Variants in OXR1 observed in about 807,000 individuals in gnomAD.
OXR1 encodes oxidation resistance 1.
OXR1 carries 41 observed loss-of-function variants against 104.6 expected under a neutral mutation model. That is an observed-to-expected ratio of 0.39 (90% confidence interval 0.31 to 0.51). OXR1 has a LOEUF of 0.51. Ranked by LOEUF, OXR1 falls within the 20% of genes least tolerant of loss-of-function variation. OXR1 has a pLI of 0.77. For missense variants in OXR1, 955 were observed against 1,031.9 expected, an observed-to-expected ratio of 0.93 and a Z score of 1.02; for synonymous variants, 348 against 348.4, an observed-to-expected ratio of 1.00 and a Z score of 0.01.
chr8:106,724,111 A>G (rs1365563767), intron 11 of OXR1, among the ~76,000 whole-genome samples: 1 of 152,302 alleles, frequency 6.6e-6, no homozygotes, highest in African/African-American at 2.4e-5. Context: ...GGTAAATTAT[A>G]TATTATAGCT....
At chr8:106,294,469 T>C (rs1316914645) in intron 1 of OXR1, among the ~76,000 whole-genome samples, 2 of 150,840 alleles carry the variant, frequency 1.3e-5, no homozygotes, top group Non-Finnish European at 2.9e-5. Flanking sequence ...GTTAGCTGTC[T>C]CAGGGTTCTG....
intron 3 of OXR1, among the ~76,000 whole-genome samples, chr8:106,590,710 C>T (rs1819014574): frequency 6.6e-6 from 1 of 152,250 alleles, no homozygotes; most frequent in African/African-American, 2.4e-5. Context: ...CCAGCCTCTT[C>T]TTTCCTCCCA....
chr8:106,695,341 T>C (rs1265543251), intron 7 of OXR1, among the ~76,000 whole-genome samples: 1 of 151,976 alleles, frequency 6.6e-6, no homozygotes, highest in Non-Finnish European at 1.5e-5. Flanking sequence ...ATAAATTCTT[T>C]CAGTGTTTAT....
chr8:106,292,918 C>G (rs1441494655), intron 1 of OXR1, among the ~76,000 whole-genome samples: 2 of 152,180 alleles, frequency 1.3e-5, no homozygotes, highest in Non-Finnish European at 2.9e-5. Context: ...CCCTGGTTGC[C>G]AAGGGGGCAG....
chr8:106,657,865 G>C, intron 3 of OXR1: 1 of 1,241,480 alleles, frequency 8.1e-7, no homozygotes, highest in Admixed American at 4.2e-5. Context: ...CCTCTTGTGA[G>C]GCGCGCGGAG....
At chr8:106,676,867 T>C (rs1827646431) in intron 3 of OXR1, among the ~76,000 whole-genome samples, 1 of 152,046 alleles carries the variant, frequency 6.6e-6, no homozygotes, top group Admixed American at 6.6e-5. Context: ...AATTATTGCA[T>C]AATATTTTAT....
intron 1 of OXR1, among the ~76,000 whole-genome samples, chr8:106,306,096 A>T (rs927808613): frequency 2.6e-5 from 4 of 151,830 alleles, no homozygotes; most frequent in Admixed American, 1.3e-4. Flanking sequence ...CTAGATTTTG[A>T]AGAGCCAGGG....
intron 7 of OXR1, among the ~76,000 whole-genome samples, chr8:106,694,054 T>A (rs1337267146): frequency 1.3e-5 from 2 of 152,034 alleles, no homozygotes; most frequent in Non-Finnish European, 2.9e-5. Flanking sequence ...CATTTGAGAG[T>A]GTTTTATTTT....
chr8:106,726,182 A>T, intron 11 of OXR1: 1 of 1,491,956 alleles, frequency 6.7e-7, no homozygotes, highest in Non-Finnish European at 8.9e-7. Flanking sequence ...TGACAGAGGA[A>T]GAATGCTTTT....
intron 3 of OXR1, among the ~76,000 whole-genome samples, chr8:106,596,682 T>A (rs888037695): frequency 7.9e-5 from 12 of 152,144 alleles, no homozygotes; most frequent in Non-Finnish European, 1.8e-4. Context: ...TGGTGTTTTT[T>A]TAATTGACTT....
At chr8:106,651,371 C>T (rs1824556973) in intron 3 of OXR1, among the ~76,000 whole-genome samples, 1 of 152,112 alleles carries the variant, frequency 6.6e-6, no homozygotes, top group Non-Finnish European at 1.5e-5. Context: ...ATGTTTTCTT[C>T]TAGGAATTTA....
intron 1 of OXR1, among the ~76,000 whole-genome samples, chr8:106,345,259 T>C (rs1815431317): frequency 6.6e-6 from 1 of 152,094 alleles, no homozygotes; most frequent in Non-Finnish European, 1.5e-5. Context: ...ATGAATAACA[T>C]AAGAGATATG....
intron 11 of OXR1, among the ~76,000 whole-genome samples, chr8:106,718,677 A>G (rs1333673794): frequency 1.3e-5 from 2 of 151,728 alleles, no homozygotes; most frequent in Non-Finnish European, 2.9e-5. Flanking sequence ...GTCTCTACTA[A>G]AAATACAAAA....
chr8:106,638,373 C>T (rs111701914), intron 3 of OXR1, among the ~76,000 whole-genome samples: 2 of 152,106 alleles, frequency 1.3e-5, no homozygotes, highest in Non-Finnish European at 2.9e-5. Context: ...TTGATACTTA[C>T]GCATTTTTTA....
intron 3 of OXR1, among the ~76,000 whole-genome samples, chr8:106,535,137 G>T (rs996631797): frequency 1.3e-5 from 2 of 151,954 alleles, no homozygotes; most frequent in African/African-American, 4.8e-5. Flanking sequence ...TAATTTTTTT[G>T]TATTTTTAGT....
intron 7 of OXR1, among the ~76,000 whole-genome samples, chr8:106,700,431 A>G (rs771194316): frequency 2.0e-5 from 3 of 152,200 alleles, no homozygotes; most frequent in Non-Finnish European, 4.4e-5. Context: ...TACCGCAGAA[A>G]GCCCCAGCTG....
Position 106,506,424 on chromosome 8 carries a change from T to C in OXR1, c.24-12519T>C, listed in dbSNP as rs559894239. On this transcript the variant is annotated intron_variant, in intron 2 of 16. Transcript: ENST00000517566. ...GTCAGGAGATCCAGACAATCCTGGC[T>C]AACATGGTGAAACCCCGTCTCTACT... 1.7e-4 allele frequency among the ~76,000 whole-genome samples: 26 copies of C among 152,142 alleles called. No homozygotes were observed. In the East Asian group the frequency reaches 2.7e-3, roughly 16 times the overall value.
chr8:106,334,032 A>G (rs1814847537), intron 1 of OXR1, among the ~76,000 whole-genome samples: 1 of 152,180 alleles, frequency 6.6e-6, no homozygotes, highest in Non-Finnish European at 1.5e-5. Flanking sequence ...GAGGAATTGT[A>G]TTTAACCTGT....
intron 1 of OXR1, among the ~76,000 whole-genome samples, chr8:106,347,218 A>G (rs1481842197): frequency 1.3e-5 from 2 of 152,242 alleles, no homozygotes; most frequent in Non-Finnish European, 2.9e-5. Context: ...ATATTTTCCA[A>G]TAATGCCCTA....
Sources: gnomAD v4.1 joint callset for allele counts (sites outside exome capture counted in the v4.1 genomes callset) on GRCh38, gnomAD v4.1.1 for gene constraint, MANE v1.5 for transcripts, NCBI Gene and HGNC (gene_info 2026-07-23, HGNC 2026-07-21) for gene names.